Variants in XRN1 observed in about 807,000 individuals in gnomAD.
XRN1 encodes strand-exchange protein 1 homolog.
Under a neutral mutation model 222.3 loss-of-function variants are expected in XRN1, and 67 were observed. That is an observed-to-expected ratio of 0.30 (90% confidence interval 0.25 to 0.37). XRN1 has a LOEUF of 0.37. XRN1 is among the 10% of genes least tolerant of loss of function. The pLI is 1.00. For synonymous variants in XRN1, 643 were observed against 652.4 expected (o/e 0.99, Z 0.22); for missense variants, 1,707 against 2,000.2 (o/e 0.85, Z 2.80).
chr3:142,368,946 C>T (rs887670931), intron 27 of XRN1, among the ~76,000 whole-genome samples: 7 of 152,108 alleles, frequency 4.6e-5, no homozygotes, highest in African/African-American at 7.2e-5. Flanking sequence ...TTTTTGAGGA[C>T]ACTCTGAGGC....
At chr3:142,318,557 C>T in intron 39 of XRN1, 35 bp downstream of exon 39, 1 of 1,523,830 alleles carries the variant, frequency 6.6e-7, no homozygotes, top group African/African-American at 1.4e-5. Flanking sequence ...AATAACAACT[C>T]AATGACAAAT....
chr3:142,438,858 GTGGTTTA>G (rs2070055387), intron 1 of XRN1, among the ~76,000 whole-genome samples: 1 of 152,106 alleles, frequency 6.6e-6, no homozygotes, highest in Non-Finnish European at 1.5e-5. Context: ...TGTAAAAAGT[GTGGTTTA>G]TGCCCTACAG....
chr3:142,414,876 T>C (rs367866876), intron 13 of XRN1, among the ~76,000 whole-genome samples: 12 of 152,232 alleles, frequency 7.9e-5, no homozygotes, highest in African/African-American at 1.7e-4. Flanking sequence ...TATAATGTAA[T>C]GCTTTTTTTA....
intron 27 of XRN1, among the ~76,000 whole-genome samples, chr3:142,369,563 G>A (rs967034121): frequency 2.7e-4 from 41 of 150,792 alleles, no homozygotes; most frequent in South Asian, 6.3e-4. Flanking sequence ...CAGAAGAATC[G>A]CTTGAATCTG....
chr3:142,345,182 T>C lies in XRN1; in HGVS notation c.3877+2052A>G, dbSNP rs187847975. Among the ~76,000 whole-genome samples, 241 of 152,320 alleles carry C rather than the reference T, an allele frequency of 1.6e-3. 1 individual carries two copies. Among genetic ancestry groups the C allele is most frequent in the African/African-American group, 4.6e-3 (190 of 41,578 alleles). On this transcript the variant is annotated intron_variant, in intron 33 of 40. Coordinates refer to ENST00000392981, the MANE Select transcript of XRN1 (RefSeq NM_001282857.2). ...AACTCCTGGGTTCAAGCAATCCTCCTGCCTCAGACTCCTGGGCAGCTGGTA... is the reference window on the plus strand; with the variant it reads ...AACTCCTGGGTTCAAGCAATCCTCCCGCCTCAGACTCCTGGGCAGCTGGTA...
At chr3:142,431,911 TA>T (rs775353554) in intron 2 of XRN1, among the ~76,000 whole-genome samples, 107 of 26,942 alleles carry the variant, frequency 4.0e-3, no homozygotes, top group Non-Finnish European at 5.1e-3. Flanking sequence ...ATTATATATA[TA>T]AATATATATA....
intron 33 of XRN1, among the ~76,000 whole-genome samples, chr3:142,344,755 G>T (rs528183428): frequency 6.6e-6 from 1 of 152,058 alleles, no homozygotes; most frequent in South Asian, 2.1e-4. Context: ...ATTAAAGACC[G>T]AAATAAATGG....
chr3:142,375,974 G>GCGTGCACA (rs113527448), intron 24 of XRN1, 30 bp from the exon 25 acceptor site: 242 of 1,448,054 alleles, frequency 1.7e-4, no homozygotes, highest in Middle Eastern at 1.3e-3. Flanking sequence ...GCGCACACGT[G>GCGTGCACA]CACACACACA....
chr3:142,391,749 A>AATAT (rs56952263), intron 20 of XRN1, among the ~76,000 whole-genome samples: 20 of 103,438 alleles, frequency 1.9e-4, no homozygotes, highest in African/African-American at 6.4e-4. Context: ...AAAAAAAAAA[A>AATAT]ATATATATAT....
intron 30 of XRN1, among the ~76,000 whole-genome samples, chr3:142,358,471 G>GT (rs2066525190): frequency 6.6e-6 from 1 of 152,124 alleles, no homozygotes; most frequent in East Asian, 1.9e-4. Flanking sequence ...TTGCTAGGAA[G>GT]TATCTATTTT....
chr3:142,332,377 A>G lies in XRN1; in HGVS notation c.4220T>C (p.Leu1407Ser). 1 of 1,588,878 alleles carries G rather than the reference A, an allele frequency of 6.3e-7. No individual in the cohort carries two copies. The highest frequency in any genetic ancestry group is 1.1e-5 in the South Asian group (1 of 88,084). Residue 1407 changes from leucine (L) to serine (S), a missense_variant and splice_region_variant, in exon 36 of 41, where the codon TTA becomes TCA. Around this residue, in one of 2 missense-constraint regions of XRN1, gnomAD observed 473 missense variants for 482.0 expected, o/e 0.98. Coordinates refer to ENST00000392981, the MANE Select transcript of XRN1 (RefSeq NM_001282857.2). ...LPSQPKQNKK[L>S]ASYMNKPHSA... Reference sequence around the variant, plus strand: ...GTAATAGTATTTAGTTTACTTACCTAATTTCTTATTTTGTTTAGGCTGAGA... The same window carrying G: ...GTAATAGTATTTAGTTTACTTACCTGATTTCTTATTTTGTTTAGGCTGAGA...
At chr3:142,314,310 T>C (rs1162105456) in intron 39 of XRN1, among the ~76,000 whole-genome samples, 2 of 152,136 alleles carry the variant, frequency 1.3e-5, no homozygotes, top group Non-Finnish European at 2.9e-5. Context: ...AAATTATTAG[T>C]AGGTATGAAT....
intron 22 of XRN1, among the ~76,000 whole-genome samples, chr3:142,382,571 A>C (rs2067341905): frequency 6.6e-6 from 1 of 152,142 alleles, no homozygotes. Context: ...TTACTTTCTG[A>C]CATAACAAGA....
At position 142,308,308 on chromosome 3, in the gene XRN1, C is replaced by G. The variant is rs2065009604; in HGVS notation, c.*3203G>C. 6.6e-6 allele frequency: 1 copy of G among 152,140 alleles called. No individual in the cohort carries two copies. Among genetic ancestry groups the G allele is most frequent in the Admixed American group, 6.6e-5 (1 of 15,258 alleles). 9.4% of individuals were successfully genotyped at this position (152,140 alleles called of 1,614,324 possible). On this transcript the variant is annotated 3_prime_UTR_variant, in exon 41 of 41. Coordinates refer to ENST00000392981, the MANE Select transcript of XRN1 (RefSeq NM_001282857.2). ...ATCTGCCTCCCTCTCTCTGCCTCCT[C>G]TCATTAAAACCAAGAATCTAGCTTA...
At chr3:142,406,941 A>G (rs1246298510) in intron 15 of XRN1, among the ~76,000 whole-genome samples, 2 of 152,236 alleles carry the variant, frequency 1.3e-5, no homozygotes, top group Non-Finnish European at 2.9e-5. Context: ...TTGTGAAACC[A>G]ATCTGAAAAG....
chr3:142,356,421 G>T (rs2066467059), intron 31 of XRN1, among the ~76,000 whole-genome samples: 1 of 152,068 alleles, frequency 6.6e-6, no homozygotes, highest in East Asian at 1.9e-4. Context: ...TGGGGTCATG[G>T]AATTAAATAA....
intron 33 of XRN1, 26 bp from the exon 34 acceptor site, chr3:142,335,535 C>G: frequency 6.3e-7 from 1 of 1,597,978 alleles, no homozygotes; most frequent in African/African-American, 1.3e-5. Flanking sequence ...CAGAAATTTT[C>G]ATAAATGGAA....
intron 15 of XRN1, among the ~76,000 whole-genome samples, chr3:142,407,975 C>T (rs2068411569): frequency 2.0e-5 from 3 of 152,216 alleles, no homozygotes; most frequent in Non-Finnish European, 2.9e-5. Flanking sequence ...TTTTCATTAA[C>T]TTCTGCTCAT....
rs762016512 is a variant in XRN1 at position 142,307,868 on chromosome 3, ACTT to A, written c.*3640_*3642del. ...TTATCTCTAGAAAAATGACAAATGA[ACTT>A]CTGCAATTGATTTTTAAAGACAGAG... On this transcript the variant is annotated 3_prime_UTR_variant, in exon 41 of 41. Coordinates refer to ENST00000392981, the MANE Select transcript of XRN1 (RefSeq NM_001282857.2). 6.6e-6 allele frequency: 1 copy of A among 152,162 alleles called. No individual in the cohort carries two copies. Among genetic ancestry groups the A allele is most frequent in the Non-Finnish European group, 1.5e-5 (1 of 67,992 alleles). 9.4% of individuals were successfully genotyped at this position (152,162 alleles called of 1,614,324 possible).
Sources: allele counts gnomAD v4.1 joint callset (sites outside exome capture counted in the v4.1 genomes callset), GRCh38; gene constraint gnomAD v4.1.1; regional missense constraint gnomAD v4.1.1; transcripts MANE v1.5; gene names NCBI Gene and HGNC (gene_info 2026-07-23, HGNC 2026-07-21).